Variants in ACER3 observed in about 807,000 individuals in gnomAD.
ACER3 encodes alkaline ceramidase 3.
In ACER3, 16 loss-of-function variants were observed where a neutral mutation model predicts 48.9. That is an observed-to-expected ratio of 0.33 (90% CI 0.22 to 0.50). ACER3 has a LOEUF of 0.50. Among genes scored for constraint, ACER3 ranks in the 20% least tolerant of loss-of-function variants. The pLI is 0.98. For missense variants in ACER3, 227 were observed against 326.0 expected, an observed-to-expected ratio of 0.70 and a Z score of 2.34; for synonymous variants, 109 against 107.8, an observed-to-expected ratio of 1.01 and a Z score of -0.07.
intron 2 of ACER3, among the ~76,000 whole-genome samples, chr11:76,948,211 C>CTGTGTGTGTGTGTGTG (rs57302394): frequency 2.2e-5 from 3 of 135,766 alleles, no homozygotes; most frequent in East Asian, 2.3e-4. Flanking sequence ...CTGGCTCACT[C>CTGTGTGTGTGTGTGTG]TGTGTGTGTG....
chr11:76,969,062 T>C (rs2135111969), intron 3 of ACER3, among the ~76,000 whole-genome samples: 1 of 152,052 alleles, frequency 6.6e-6, no homozygotes, highest in South Asian at 2.1e-4. Flanking sequence ...AGGGCTAATA[T>C]CCAGAATCTA....
chr11:76,932,288 T>C (rs1947026007), intron 2 of ACER3, among the ~76,000 whole-genome samples: 1 of 152,214 alleles, frequency 6.6e-6, no homozygotes, highest in Non-Finnish European at 1.5e-5. Flanking sequence ...CTCTTTCTTT[T>C]GTTTTAGCTC....
Position 77,019,713 on chromosome 11 carries a change from C to G in ACER3, c.705-18C>G, listed in dbSNP as rs371362615. The G allele has an allele frequency of 6.8e-6, 11 of 1,613,234 alleles. No homozygotes were observed. The highest frequency in any genetic ancestry group is 9.3e-6 in the Non-Finnish European group (11 of 1,179,314). On this transcript the variant is annotated intron_variant, in intron 9 of 10. Transcript: ENST00000532485. ...AAAATGAATCTGAAAAGCTTTCCCC[C>G]TCCCACTTTTCTTTCAGTTTGTATA...
At chr11:76,862,647 A>C (rs1172580915) in intron 1 of ACER3, among the ~76,000 whole-genome samples, 1 of 151,866 alleles carries the variant, frequency 6.6e-6, no homozygotes, top group Non-Finnish European at 1.5e-5. Flanking sequence ...ATATAGAATA[A>C]TTTTTTTTTA....
chr11:76,883,597 A>C (rs1220462988), intron 1 of ACER3, among the ~76,000 whole-genome samples: 1 of 151,900 alleles, frequency 6.6e-6, no homozygotes, highest in Non-Finnish European at 1.5e-5. Context: ...GGTGTGTGCT[A>C]CCACGCTTGG....
rs1220713860 is a variant in ACER3, at chr11:77,020,564, A to G, written c.*237A>G. ...CTTTCACGCTCCAGTTTATAAAGAA[A>G]CAGAGATGATGTGTGTGTATGCCTC... On this transcript the variant is annotated 3_prime_UTR_variant, in exon 11 of 11. Transcript: ENST00000532485. The G allele has an allele frequency of 2.2e-5, 11 of 495,412 alleles. No homozygotes were observed. In the East Asian group the frequency reaches 3.2e-4, roughly 14 times the overall value. The allele number at this position is 495,412 out of a possible 1,614,324, so 30.7% of individuals were successfully genotyped here. A position where few individuals can be genotyped will look rare whatever the true frequency, so the allele number is the denominator to read the frequency against.
chr11:76,926,629 TG>T lies in ACER3; in HGVS notation c.178del (p.Glu60LysfsTer9). ...GCAGTTCAGAGTGTTAGAGACGGTC[TG>T]GAAAAGCGGTACATTGCTTCTTATT... ...FGAVQSVRDG[L>X]EKRYIASYLA... is the part of the protein sequence containing the mutation. On this transcript the variant is annotated frameshift_variant, in exon 2 of 11. Coordinates refer to ENST00000532485, the MANE Select transcript of ACER3 (RefSeq NM_018367.7). LOFTEE classifies it high-confidence loss of function. The T allele has an allele frequency of 6.2e-7, 1 of 1,606,102 alleles. No individual in the cohort carries two copies. Among genetic ancestry groups the T allele is most frequent in the Non-Finnish European group, 8.5e-7 (1 of 1,172,734 alleles).
intron 3 of ACER3, among the ~76,000 whole-genome samples, chr11:76,975,874 CTTTTTTTTTTTT>C (rs34786738): frequency 1.2e-5 from 1 of 82,772 alleles, no homozygotes; most frequent in African/African-American, 4.5e-5. Flanking sequence ...TTTTTCTTTT[CTTTTTTTTTTTT>C]TTTTTTTTTT....
chr11:76,945,551 G>A (rs1448756732), intron 2 of ACER3, among the ~76,000 whole-genome samples: 1 of 152,098 alleles, frequency 6.6e-6, no homozygotes. Context: ...AGTTTTGCTG[G>A]GGGCTTGGAC....
intron 7 of ACER3, among the ~76,000 whole-genome samples, chr11:77,006,573 A>T (rs1029911410): frequency 2.5e-4 from 38 of 151,694 alleles, no homozygotes; most frequent in African/African-American, 8.7e-4. Context: ...CTTGATATTT[A>T]TTTTGTTCCT....
At chr11:76,864,838 G>T (rs1056811416) in intron 1 of ACER3, among the ~76,000 whole-genome samples, 2 of 92,970 alleles carry the variant, frequency 2.2e-5, no homozygotes, top group East Asian at 6.4e-4. Context: ...GACCTCAAGT[G>T]ATCCACCTGT....
At chr11:77,005,099 G>A (rs1201452647) in intron 7 of ACER3, among the ~76,000 whole-genome samples, 3 of 147,278 alleles carry the variant, frequency 2.0e-5, no homozygotes, top group Admixed American at 6.8e-5. Flanking sequence ...GAGCAGTGGC[G>A]CGATCTCAGC....
At chr11:76,977,725 C>A (rs957176081) in intron 4 of ACER3, among the ~76,000 whole-genome samples, 1 of 152,184 alleles carries the variant, frequency 6.6e-6, no homozygotes, top group Non-Finnish European at 1.5e-5. Flanking sequence ...CAGGTGGGAA[C>A]CCCGTCCCCT....
At chr11:76,975,552 C>G (rs1308066165) in intron 3 of ACER3, among the ~76,000 whole-genome samples, 1 of 152,008 alleles carries the variant, frequency 6.6e-6, no homozygotes, top group African/African-American at 2.4e-5. Context: ...ACACTTTATC[C>G]ATTTAAGGTG....
rs144080443 is a variant in ACER3 at position 76,874,759 on chromosome 11, A to G, written c.103+13680A>G. Among the ~76,000 whole-genome samples, 513 of 152,238 alleles carry G rather than the reference A, an allele frequency of 3.4e-3. 14 individuals are homozygous for G. Among genetic ancestry groups the G allele is most frequent in the East Asian group, 1.5e-3 (8 of 5,192 alleles). ...TGGGGACGGGGGCAGTTAAAGCTTT[A>G]TTTTGGGAGGTCTACTTGATTCCTT... On this transcript the variant is annotated intron_variant, in intron 1 of 10. Coordinates refer to ENST00000532485, the MANE Select transcript of ACER3 (RefSeq NM_018367.7).
chr11:76,963,812 G>A (rs976124864), intron 3 of ACER3, among the ~76,000 whole-genome samples: 14 of 151,376 alleles, frequency 9.2e-5, no homozygotes, highest in Non-Finnish European at 1.8e-4. Flanking sequence ...ATTATGCTGC[G>A]TTAAGAAAAG....
intron 5 of ACER3, among the ~76,000 whole-genome samples, chr11:76,986,888 A>G (rs1296784016): frequency 6.6e-6 from 1 of 152,120 alleles, no homozygotes; most frequent in Non-Finnish European, 1.5e-5. Flanking sequence ...CAACATGGTG[A>G]AACCCTGTCT....
At chr11:76,980,132 T>C (rs1948551070) in intron 4 of ACER3, among the ~76,000 whole-genome samples, 2 of 152,006 alleles carry the variant, frequency 1.3e-5, no homozygotes, top group African/African-American at 4.8e-5. Context: ...AGGGAGACCC[T>C]GTCTCAAGAA....
rs537607589 is a variant in ACER3, at chr11:77,017,672, T to G, written c.704+893T>G. Among the ~76,000 whole-genome samples the G allele has an allele frequency of 2.6e-5, 4 of 152,278 alleles. No individual in the cohort carries two copies. In the South Asian group the frequency reaches 8.3e-4, roughly 32 times the overall value. ...AGGCCACAGGTAGCCAGATCAATCT[T>G]GAAAAAGAGCAGACATGAAACATCA... On this transcript the variant is annotated intron_variant, in intron 9 of 10. Transcript: ENST00000532485.
Sources: allele counts gnomAD v4.1 joint callset (sites outside exome capture counted in the v4.1 genomes callset), GRCh38; gene constraint gnomAD v4.1.1; transcripts MANE v1.5; gene names NCBI Gene and HGNC (gene_info 2026-07-23, HGNC 2026-07-21).